The following ARHGAP24 variants were observed in gnomAD, a reference collection of about 807,000 sequenced individuals.
The protein encoded by ARHGAP24 is Rho GTPase activating protein 24.
ARHGAP24 carries 50 observed loss-of-function variants against 76.4 expected under a neutral mutation model. That is an observed-to-expected ratio of 0.65 (90% CI 0.52 to 0.83). ARHGAP24 has a LOEUF of 0.83. ARHGAP24 is among the 40% of genes least tolerant of loss of function. The pLI is 0.00. For missense variants in ARHGAP24, 930 were observed against 914.2 expected (o/e 1.02, Z -0.22); for synonymous variants, 345 against 323.3 (o/e 1.07, Z -0.72).
intron 1 of ARHGAP24, among the ~76,000 whole-genome samples, chr4:85,493,934 G>A (rs1019880898): frequency 2.6e-5 from 4 of 152,096 alleles, no homozygotes; most frequent in Non-Finnish European, 4.4e-5. Context: ...GGGTCAAAAC[G>A]CTTTATTTCC....
chr4:85,996,941 T>C (rs1740697704), intron 9 of ARHGAP24, among the ~76,000 whole-genome samples: 1 of 152,334 alleles, frequency 6.6e-6, no homozygotes, highest in African/African-American at 2.4e-5. Context: ...TGCAGATGGA[T>C]ACATTCATTT....
chr4:85,884,012 G>A (rs907377916), intron 3 of ARHGAP24, among the ~76,000 whole-genome samples: 1 of 152,168 alleles, frequency 6.6e-6, no homozygotes, highest in African/African-American at 2.4e-5. Flanking sequence ...GGGCAAGTGT[G>A]TGAAAGCTCT....
chr4:85,583,223 T>C lies in ARHGAP24; in HGVS notation c.180+12502T>C, dbSNP rs72979948. Among the ~76,000 whole-genome samples the C allele has an allele frequency of 6.2e-3, 940 of 152,282 alleles. 12 individuals carry two copies. The highest frequency in any genetic ancestry group is 0.022 in the African/African-American group (899 of 41,564). On this transcript the variant is annotated intron_variant, in intron 2 of 9. Coordinates refer to ENST00000395184, the MANE Select transcript of ARHGAP24 (RefSeq NM_001025616.3). The stretch of plus-strand genomic sequence containing the variant: ...TTCTTAGAGTGACAATTAAAGATGG[T>C]TTAGCTAATAAAAATTAAAGATGTA...
chr4:85,638,026 C>T (rs767072884), intron 2 of ARHGAP24, among the ~76,000 whole-genome samples: 24 of 152,168 alleles, frequency 1.6e-4, no homozygotes, highest in South Asian at 4.1e-4. Flanking sequence ...ACCACATTCT[C>T]GTCCCAGTCT....
chr4:85,576,382 A>C (rs574334725), intron 2 of ARHGAP24, among the ~76,000 whole-genome samples: 1 of 151,860 alleles, frequency 6.6e-6, no homozygotes, highest in Admixed American at 6.6e-5. Context: ...GTGAGGAGAG[A>C]TCGCGCCACT....
At chr4:85,832,935 C>T (rs1412672599) in intron 3 of ARHGAP24, among the ~76,000 whole-genome samples, 1 of 152,062 alleles carries the variant, frequency 6.6e-6, no homozygotes, top group Non-Finnish European at 1.5e-5. Flanking sequence ...CCGAGGTGGG[C>T]CTTTCTCTGT....
At chr4:85,626,755 C>G (rs2110009046) in intron 2 of ARHGAP24, among the ~76,000 whole-genome samples, 1 of 152,154 alleles carries the variant, frequency 6.6e-6, no homozygotes, top group East Asian at 1.9e-4. Context: ...TCCCATATTT[C>G]TTGGAGGCTT....
intron 1 of ARHGAP24, among the ~76,000 whole-genome samples, chr4:85,544,106 T>A (rs1436556571): frequency 6.6e-6 from 1 of 152,208 alleles, no homozygotes; most frequent in African/African-American, 2.4e-5. Flanking sequence ...GACTTCATTG[T>A]CTTCCCAGTT....
chr4:85,949,166 TC>T (rs1737458031), intron 5 of ARHGAP24, among the ~76,000 whole-genome samples: 1 of 152,178 alleles, frequency 6.6e-6, no homozygotes, highest in South Asian at 2.1e-4. Flanking sequence ...GCAATTTTTT[TC>T]CCCTGTTCGT....
chr4:85,791,885 TCAGTAGTGTC>T (rs1185670808), intron 3 of ARHGAP24, among the ~76,000 whole-genome samples: 3 of 152,174 alleles, frequency 2.0e-5, no homozygotes, highest in Non-Finnish European at 4.4e-5. Flanking sequence ...GTGGAGGTGG[TCAGTAGTGTC>T]CAGTTGTGCA....
chr4:85,655,790 T>TAGAGAG (rs1351229097), intron 2 of ARHGAP24, among the ~76,000 whole-genome samples: 19 of 50,148 alleles, frequency 3.8e-4, no homozygotes, highest in South Asian at 7.5e-4. Context: ...TATATATATA[T>TAGAGAG]ATAGAGAGAG....
rs114855497 is a variant in ARHGAP24, at chr4:85,652,263, A to T, written c.181-69622A>T. Among the ~76,000 whole-genome samples the T allele has an allele frequency of 3.7e-3, 567 of 152,322 alleles. 4 individuals carry two copies. Among genetic ancestry groups the T allele is most frequent in the African/African-American group, 0.013 (529 of 41,592 alleles). ...GTGAAATGTCACTTCAGCAAAAGTG[A>T]TAATGATTTTCATAAAGAATATGTT... On this transcript the variant is annotated intron_variant, in intron 2 of 9. Transcript: ENST00000395184.
At chr4:85,837,772 C>T (rs1483774219) in intron 3 of ARHGAP24, among the ~76,000 whole-genome samples, 2 of 152,108 alleles carry the variant, frequency 1.3e-5, no homozygotes, top group South Asian at 2.1e-4. Flanking sequence ...AATAAAACTG[C>T]CATGCTGCGG....
chr4:85,825,374 C>A (rs998017877), intron 3 of ARHGAP24, among the ~76,000 whole-genome samples: 1 of 152,086 alleles, frequency 6.6e-6, no homozygotes, highest in African/African-American at 2.4e-5. Flanking sequence ...AAAGAACCTG[C>A]CAATTTATTA....
chr4:85,654,795 A>G (rs1351240281), intron 2 of ARHGAP24, among the ~76,000 whole-genome samples: 13 of 152,202 alleles, frequency 8.5e-5, no homozygotes, highest in African/African-American at 3.1e-4. Flanking sequence ...TTATATAGTC[A>G]GATTTATAAC....
At chr4:85,495,762 G>A (rs763811255) in intron 1 of ARHGAP24, among the ~76,000 whole-genome samples, 2 of 152,144 alleles carry the variant, frequency 1.3e-5, no homozygotes, top group African/African-American at 2.4e-5. Context: ...TCTACAGCAT[G>A]GCAGGCGTTG....
intron 3 of ARHGAP24, among the ~76,000 whole-genome samples, chr4:85,861,282 C>T (rs190943559): frequency 7.9e-5 from 12 of 152,212 alleles, no homozygotes; most frequent in African/African-American, 2.6e-4. Context: ...TTCTGGTGAT[C>T]ACCCTCTTCC....
At chr4:85,983,708 A>C (rs904752720) in intron 8 of ARHGAP24, among the ~76,000 whole-genome samples, 13 of 152,268 alleles carry the variant, frequency 8.5e-5, no homozygotes, top group Admixed American at 7.9e-4. Context: ...CCTGCTCTCA[A>C]AACTCTCCCA....
intron 1 of ARHGAP24, among the ~76,000 whole-genome samples, chr4:85,501,883 T>A (rs546895285): frequency 4.6e-4 from 70 of 152,306 alleles, no homozygotes; most frequent in Middle Eastern, 3.4e-3. Context: ...TTAATCCATC[T>A]TGAATTAATT....
Sources: gnomAD v4.1 joint callset for allele counts (sites outside exome capture counted in the v4.1 genomes callset) on GRCh38, gnomAD v4.1.1 for gene constraint, MANE v1.5 for transcripts, NCBI Gene and HGNC (gene_info 2026-07-23, HGNC 2026-07-21) for gene names.